MYSM1: variants seen among roughly 807,000 people sequenced by gnomAD.
The protein encoded by MYSM1 is Myb like, SWIRM and MPN domains 1.
MYSM1 carries 51 observed loss-of-function variants against 116.0 expected under a neutral mutation model. That is an observed-to-expected ratio of 0.44 (90% CI 0.35 to 0.56). The LOEUF (loss-of-function observed/expected upper bound fraction) is 0.56. Among genes scored for constraint, MYSM1 ranks in the 20% least tolerant of loss-of-function variants. The pLI, the probability that MYSM1 is intolerant of heterozygous loss-of-function variation, is 0.00. For missense variants in MYSM1, 900 were observed against 974.9 expected, an observed-to-expected ratio of 0.92 and a Z score of 1.02; for synonymous variants, 313 against 315.2, an observed-to-expected ratio of 0.99 and a Z score of 0.07.
rs613810 is a variant in MYSM1 at position 58,674,509 on chromosome 1, G to C, written c.1495-859C>G. Among the ~76,000 whole-genome samples, 784 of 152,164 alleles carry C rather than the reference G, an allele frequency of 5.2e-3. 10 individuals carry two copies. The highest frequency in any genetic ancestry group is 0.016 in the African/African-American group (658 of 41,510). ...TAAATCTAGATAGAAATGGTTTATA[G>C]CCTAAATACTCTGAGAAAAACAGCT... is the stretch of plus-strand genomic sequence containing the variant. On this transcript the variant is annotated intron_variant, in intron 10 of 19. Coordinates refer to ENST00000472487, the MANE Select transcript of MYSM1 (RefSeq NM_001085487.3).
intron 12 of MYSM1, among the ~76,000 whole-genome samples, chr1:58,671,113 A>G (rs1185146209): frequency 6.6e-6 from 1 of 152,190 alleles, no homozygotes; most frequent in Admixed American, 6.5e-5. Context: ...TTGGGTTTAA[A>G]ATCAACAGCT....
At chr1:58,668,582 A>G (rs1286606329) in intron 14 of MYSM1, 50 bp downstream of exon 14, 1 of 1,549,336 alleles carries the variant, frequency 6.5e-7, no homozygotes, top group Non-Finnish European at 8.7e-7. Flanking sequence ...ATAAAAATAC[A>G]CAAGAGTAGA....
Position 58,656,657 on chromosome 1 carries a change from T to G in MYSM1, c.*3340A>C, listed in dbSNP as rs984600241. 1.3e-5 allele frequency: 2 copies of G among 152,210 alleles called. No homozygotes were observed. The highest frequency in any genetic ancestry group is 2.4e-5 in the African/African-American group (1 of 41,438). The allele number at this position is 152,210 out of a possible 1,614,324, so 9.4% of individuals were successfully genotyped here. ...AGATCTATAACCGTGGAAACTGCAGTGCTCCTGGATGGAGTGGCAAAGGCT... is the reference window on the plus strand; with the variant it reads ...AGATCTATAACCGTGGAAACTGCAGGGCTCCTGGATGGAGTGGCAAAGGCT... On this transcript the variant is annotated 3_prime_UTR_variant, in exon 20 of 20. Transcript: ENST00000472487.
intron 16 of MYSM1, among the ~76,000 whole-genome samples, chr1:58,666,718 C>T (rs1173920540): frequency 2.2e-4 from 33 of 150,816 alleles, no homozygotes; most frequent in Admixed American, 2.2e-3. Flanking sequence ...ACTCAAACTA[C>T]AAAAAATTAG....
In MYSM1 at chr1:58,655,795, T is replaced by C. The variant is rs944522552; in HGVS notation, c.*4202A>G. The C allele has an allele frequency of 3.3e-5, 5 of 152,172 alleles. No individual in the cohort carries two copies. The highest frequency in any genetic ancestry group is 9.7e-5 in the African/African-American group (4 of 41,450). 9.4% of individuals were successfully genotyped at this position (152,172 alleles called of 1,614,324 possible). Reference sequence around the variant, plus strand: ...TGATCAAATTTGTTAAATTATTTATTTACCCTGATGAAGCAGATGATTATA... The same window carrying C: ...TGATCAAATTTGTTAAATTATTTATCTACCCTGATGAAGCAGATGATTATA... On this transcript the variant is annotated 3_prime_UTR_variant, in exon 20 of 20. Coordinates refer to ENST00000472487, the MANE Select transcript of MYSM1 (RefSeq NM_001085487.3).
intron 13 of MYSM1, 73 bp downstream of exon 13, chr1:58,668,911 A>G: frequency 8.3e-7 from 1 of 1,200,830 alleles, no homozygotes. Context: ...ACATACGGAA[A>G]AAGAGTAAGC....
intron 8 of MYSM1, among the ~76,000 whole-genome samples, chr1:58,679,754 G>A (rs1001142580): frequency 1.7e-4 from 26 of 152,248 alleles, no homozygotes; most frequent in Admixed American, 4.6e-4. Context: ...TCAGCCGGGC[G>A]TGGTGGCTCA....
Position 58,673,568 on chromosome 1 carries a change from G to A in MYSM1, c.1572+5C>T, listed in dbSNP as rs1644596806. The A allele has an allele frequency of 6.2e-7, 1 of 1,613,206 alleles. No homozygotes were observed. The highest frequency in any genetic ancestry group is 1.3e-5 in the African/African-American group (1 of 74,914). On this transcript the variant is annotated splice_donor_5th_base_variant and intron_variant, in intron 11 of 19. Transcript: ENST00000472487. ...TGGATGAGCCATTTGAAAGGTCAAAGTTACCTCAAACGTTTGTCCTTCTAA... is the reference window on the plus strand; with the variant it reads ...TGGATGAGCCATTTGAAAGGTCAAAATTACCTCAAACGTTTGTCCTTCTAA...
chr1:58,672,688 A>G (rs950610806), intron 11 of MYSM1, among the ~76,000 whole-genome samples: 2 of 152,108 alleles, frequency 1.3e-5, no homozygotes, highest in Non-Finnish European at 2.9e-5. Context: ...CCCTCAGCCT[A>G]AAGTGTATTC....
intron 1 of MYSM1, among the ~76,000 whole-genome samples, chr1:58,696,029 AAATCTG>A (rs1259461396): frequency 6.6e-5 from 10 of 152,240 alleles, no homozygotes; most frequent in Non-Finnish European, 4.4e-5. Flanking sequence ...ACAGGCTTAT[AAATCTG>A]AATCTTTAAT....
chr1:58,683,117 C>G (rs1644773696), intron 7 of MYSM1, among the ~76,000 whole-genome samples: 1 of 152,160 alleles, frequency 6.6e-6, no homozygotes, highest in Admixed American at 6.5e-5. Flanking sequence ...ATAACTAATT[C>G]ATGGGTCTGG....
At position 58,690,146 on chromosome 1, in the gene MYSM1, C is replaced by A; in HGVS notation, c.320+80G>T. On this transcript the variant is annotated intron_variant, in intron 5 of 19. Transcript: ENST00000472487. ...AGGTCAAGAGGGCTTTTCCACAGGC[C>A]AACTATAATTAAAAAAAAATTATTC... The A allele has an allele frequency of 2.5e-6, 3 of 1,204,704 alleles. No individual in the cohort carries two copies. In the South Asian group the frequency reaches 4.9e-5, roughly 20 times the overall value. 74.6% of individuals were successfully genotyped at this position (1,204,704 alleles called of 1,614,324 possible). A position where few individuals can be genotyped will look rare whatever the true frequency, so the allele number is the denominator to read the frequency against.
Position 58,661,170 on chromosome 1 carries a change from T to C in MYSM1, c.2328A>G (p.Lys776=), listed in dbSNP as rs776202561. The stretch of plus-strand genomic sequence containing the variant: ...ACCAATTAAAATGAAGACAGCTTAC[T>C]TTCTGCAAACAAGTCAGGTCAGAAT... ...RRDSDLTCLQ[K]LLECMRKTLS... is the part of the protein sequence containing the mutation. The change falls in exon 19 of 20, where the codon AAA becomes AAG. Residue 776 remains lysine, a splice_region_variant and synonymous_variant. Coordinates refer to ENST00000472487, the MANE Select transcript of MYSM1 (RefSeq NM_001085487.3). 8 of 1,611,436 alleles carry C rather than the reference T, an allele frequency of 5.0e-6. No homozygotes were observed. In the South Asian group the frequency reaches 7.7e-5, roughly 15 times the overall value.
At chr1:58,679,453 G>A (rs1644704553) in intron 8 of MYSM1, among the ~76,000 whole-genome samples, 1 of 152,078 alleles carries the variant, frequency 6.6e-6, no homozygotes, top group Non-Finnish European at 1.5e-5. Context: ...AGAATATAGT[G>A]ATCATTCATA....
At chr1:58,671,722 T>C (rs1273401469) in intron 12 of MYSM1, 148 bp downstream of exon 12, 3 of 601,080 alleles carry the variant, frequency 5.0e-6, no homozygotes, top group Non-Finnish European at 8.5e-6. Flanking sequence ...AAATTCATAA[T>C]CAGTGAAACA....
intron 8 of MYSM1, among the ~76,000 whole-genome samples, chr1:58,678,407 A>C (rs1569756598): frequency 6.6e-6 from 1 of 152,212 alleles, no homozygotes; most frequent in East Asian, 1.9e-4. Flanking sequence ...ACTCAAAGTA[A>C]AAGGCTTTAA....
At chr1:58,678,202 C>A (rs941753847) in intron 8 of MYSM1, among the ~76,000 whole-genome samples, 1 of 152,120 alleles carries the variant, frequency 6.6e-6, no homozygotes. Context: ...CTAGGCCTCA[C>A]TAAGCAGAAT....
chr1:58,661,734 A>G (rs1644395364), intron 17 of MYSM1, among the ~76,000 whole-genome samples: 1 of 152,102 alleles, frequency 6.6e-6, no homozygotes, highest in Non-Finnish European at 1.5e-5. Context: ...ATAATGAGTA[A>G]AAGTGCCATT....
chr1:58,669,017 C>G lies in MYSM1; in HGVS notation c.1683G>C (p.Leu561=). The G allele has an allele frequency of 1.2e-6, 2 of 1,600,950 alleles. No homozygotes were observed. The highest frequency in any genetic ancestry group is 1.7e-6 in the Non-Finnish European group (2 of 1,175,460). ...PTKSSFDPFQ[L]IPCNFFSEEK... The stretch of plus-strand genomic sequence containing the variant: ...CTTCACTAAAAAAATTACAAGGTAT[C>G]AGTTGGAAGGGATCAAACGAGCTGA... The change falls in exon 13 of 20, where the codon CTG becomes CTC. Residue 561 remains leucine (L), a synonymous_variant. Coordinates refer to ENST00000472487, the MANE Select transcript of MYSM1 (RefSeq NM_001085487.3).
Sources: allele counts gnomAD v4.1 joint callset (sites outside exome capture counted in the v4.1 genomes callset), GRCh38; gene constraint gnomAD v4.1.1; transcripts MANE v1.5; gene names NCBI Gene and HGNC (gene_info 2026-07-23, HGNC 2026-07-21).